SENP6: variants seen among roughly 807,000 people sequenced by gnomAD.
The protein encoded by SENP6 is SUMO specific peptidase 6, also known as sentrin-specific protease 6.
In SENP6, 41 loss-of-function variants were observed where a neutral mutation model predicts 134.5. The ratio of observed to expected loss-of-function variants is 0.30; its 90% CI spans 0.24 to 0.40. The LOEUF is 0.40. Among genes scored for constraint, SENP6 ranks in the 10% least tolerant of loss-of-function variants. SENP6 has a pLI of 1.00. For missense variants in SENP6, 1,248 were observed against 1,312.5 expected, an observed-to-expected ratio of 0.95 and a Z score of 0.76; for synonymous variants, 395 against 429.8, an observed-to-expected ratio of 0.92 and a Z score of 1.00.
At chr6:75,627,341 C>CT (rs1428136820) in intron 3 of SENP6, among the ~76,000 whole-genome samples, 9 of 152,260 alleles carry the variant, frequency 5.9e-5, no homozygotes, top group Middle Eastern at 3.4e-3. Context: ...CTGAAAAACT[C>CT]TAAGGTTTTT....
rs1219991142 is a variant in SENP6 at position 75,697,399 on chromosome 6, G to A, written c.2196-26G>A. 4.0e-6 allele frequency: 6 copies of A among 1,503,266 alleles called. No individual in the cohort carries two copies. The East Asian group carries it at 9.0e-5, about 23-fold the overall frequency. The allele number at this position is 1,503,266 out of a possible 1,614,324, so 93.1% of individuals were successfully genotyped here. A position where few individuals can be genotyped will look rare whatever the true frequency, so the allele number is the denominator to read the frequency against. ...CTGGAGCACTAGAAATATTTCAGAA[G>A]CTTATAATTTATCTCTTTCTTACAG... On this transcript the variant is annotated intron_variant, in intron 17 of 23. Transcript: ENST00000447266.
In SENP6 at chr6:75,715,581, G is replaced by C; in HGVS notation, c.3326G>C (p.Ser1109Thr). The change falls in exon 24 of 24, where the codon AGT becomes ACT. Residue 1109 changes from serine to threonine, a missense_variant. By Grantham distance (58) the Ser-to-Thr change is moderately conservative. Transcript: ENST00000447266. ...GAAGGAACAGAACAATATGTCAATA[G>C]TATCTCAGATTGACCATTTCTGTTA... is the stretch of plus-strand genomic sequence containing the variant. ...LGEGTEQYVN[S>T]ISD The C allele has an allele frequency of 6.2e-7, 1 of 1,607,114 alleles. No individual in the cohort carries two copies. Among genetic ancestry groups the C allele is most frequent in the South Asian group, 1.1e-5 (1 of 90,430 alleles).
At chr6:75,627,642 A>G (rs1768796828) in intron 3 of SENP6, among the ~76,000 whole-genome samples, 1 of 152,136 alleles carries the variant, frequency 6.6e-6, no homozygotes, top group African/African-American at 2.4e-5. Flanking sequence ...ACTAACTTAT[A>G]TAGGGCATTG....
chr6:75,673,295 G>A (rs1582826487), intron 11 of SENP6, among the ~76,000 whole-genome samples: 1 of 147,548 alleles, frequency 6.8e-6, no homozygotes, highest in Non-Finnish European at 1.5e-5. Flanking sequence ...CTTTCACAAT[G>A]TAGATGAAAT....
At chr6:75,709,727 T>TC in intron 20 of SENP6, 97 bp downstream of exon 20, 1 of 766,770 alleles carries the variant, frequency 1.3e-6, no homozygotes, top group Non-Finnish European at 2.1e-6. Flanking sequence ...CCCAGTGACT[T>TC]GGGAGGCTAA....
At chr6:75,647,852 A>G in intron 7 of SENP6, 51 bp downstream of exon 7, 1 of 1,386,996 alleles carries the variant, frequency 7.2e-7, no homozygotes, top group Non-Finnish European at 1.0e-6. Context: ...TTGCTGTATG[A>G]AAAGTACAAT....
intron 21 of SENP6, among the ~76,000 whole-genome samples, chr6:75,712,773 A>G (rs1279082704): frequency 6.6e-6 from 1 of 152,078 alleles, no homozygotes; most frequent in Non-Finnish European, 1.5e-5. Flanking sequence ...TCATGTGATG[A>G]TTACCTGTTT....
At chr6:75,667,240 T>C (rs945173453) in intron 10 of SENP6, among the ~76,000 whole-genome samples, 1 of 152,234 alleles carries the variant, frequency 6.6e-6, no homozygotes, top group Admixed American at 6.5e-5. Context: ...GAAGTCATTT[T>C]GACAGAGATA....
chr6:75,643,540 G>A (rs1471143891), intron 6 of SENP6, among the ~76,000 whole-genome samples: 1 of 152,146 alleles, frequency 6.6e-6, no homozygotes, highest in Non-Finnish European at 1.5e-5. Flanking sequence ...AATTCAACAT[G>A]GTAAAACCCC....
At chr6:75,615,760 G>T (rs1317819864) in intron 1 of SENP6, among the ~76,000 whole-genome samples, 1 of 152,114 alleles carries the variant, frequency 6.6e-6, no homozygotes, top group African/African-American at 2.4e-5. Context: ...TTCTGCAAAA[G>T]TTCAGATAAG....
chr6:75,689,662 C>T (rs1190102904), intron 16 of SENP6, among the ~76,000 whole-genome samples: 1 of 152,050 alleles, frequency 6.6e-6, no homozygotes, highest in South Asian at 2.1e-4. Context: ...TTTACTGTAC[C>T]TTTTCTCTGG....
At chr6:75,625,683 A>G (rs1027170146) in intron 3 of SENP6, among the ~76,000 whole-genome samples, 4 of 152,188 alleles carry the variant, frequency 2.6e-5, no homozygotes, top group Admixed American at 2.0e-4. Flanking sequence ...AGCCTGGCCA[A>G]CATGTTGAAA....
rs771949480 is a variant in SENP6, at chr6:75,677,082, G to A, written c.1674G>A (p.Pro558=). The A allele has an allele frequency of 2.7e-5, 44 of 1,601,202 alleles. No individual in the cohort carries two copies. Among genetic ancestry groups the A allele is most frequent in the African/African-American group, 9.4e-5 (7 of 74,494 alleles). ...ILIFQNGLDP[P]ANMVFESIIN... is the part of the protein sequence containing the mutation. ...TTTTTCAAAATGGCCTTGATCCTCCGGCAAATATGGTATTTGAAAGTATCA... is the reference window on the plus strand; with the variant it reads ...TTTTTCAAAATGGCCTTGATCCTCCAGCAAATATGGTATTTGAAAGTATCA... Residue 558 remains proline, a synonymous_variant, in exon 14 of 24, where the codon CCG becomes CCA. Coordinates refer to ENST00000447266, the MANE Select transcript of SENP6 (RefSeq NM_015571.4).
chr6:75,623,579 C>A (rs941208451), intron 2 of SENP6, among the ~76,000 whole-genome samples: 3 of 152,038 alleles, frequency 2.0e-5, no homozygotes, highest in African/African-American at 7.2e-5. Context: ...ATATAAAATC[C>A]ATAACTAAAT....
At chr6:75,613,359 A>G (rs1361099539) in intron 1 of SENP6, among the ~76,000 whole-genome samples, 1 of 152,232 alleles carries the variant, frequency 6.6e-6, no homozygotes, top group Non-Finnish European at 1.5e-5. Flanking sequence ...TGAAATGGCA[A>G]CGTTGAGTAA....
intron 1 of SENP6, among the ~76,000 whole-genome samples, chr6:75,608,081 A>T (rs1358743211): frequency 6.6e-6 from 1 of 152,170 alleles, no homozygotes; most frequent in Non-Finnish European, 1.5e-5. Context: ...TCCTGATTTC[A>T]TCCCAGTTAA....
At chr6:75,695,760 G>A (rs759738134) in intron 16 of SENP6, 44 bp from the exon 17 acceptor site, 6 of 1,453,240 alleles carry the variant, frequency 4.1e-6, no homozygotes, top group South Asian at 2.6e-5. Context: ...TAAATAAAGT[G>A]AACTGTTACA....
chr6:75,645,610 A>C (rs1770374355), intron 6 of SENP6, among the ~76,000 whole-genome samples: 1 of 152,056 alleles, frequency 6.6e-6, no homozygotes, highest in African/African-American at 2.4e-5. Flanking sequence ...ACAGAGCCAG[A>C]CTCTGTCTCA....
chr6:75,658,742 T>G (rs1455972457), intron 7 of SENP6, among the ~76,000 whole-genome samples: 1 of 151,806 alleles, frequency 6.6e-6, no homozygotes, highest in African/African-American at 2.4e-5. Flanking sequence ...TTACTACTCT[T>G]AGAGTAAGTG....
Sources: gnomAD v4.1 joint callset for allele counts (sites outside exome capture counted in the v4.1 genomes callset) on GRCh38, gnomAD v4.1.1 for gene constraint, MANE v1.5 for transcripts, NCBI Gene and HGNC (gene_info 2026-07-23, HGNC 2026-07-21) for gene names.